ERBB3: variants seen among roughly 807,000 people sequenced by gnomAD.
ERBB3 encodes the protein receptor tyrosine-protein kinase erbB-3.
Under a neutral mutation model 156.7 loss-of-function variants are expected in ERBB3, and 96 were observed. The observed-to-expected ratio is 0.61, with a 90% CI of 0.52 to 0.73. The LOEUF is 0.73. Ranked by LOEUF, ERBB3 falls within the 30% of genes least tolerant of loss-of-function variation. The pLI, the probability that ERBB3 is intolerant of heterozygous loss-of-function variation, is 0.00. For missense variants in ERBB3, 1,406 were observed against 1,709.4 expected, an observed-to-expected ratio of 0.82 and a Z score of 3.13; for synonymous variants, 567 against 632.0, an observed-to-expected ratio of 0.90 and a Z score of 1.54.
chr12:56,091,108 T>C (rs1386942687), intron 9 of ERBB3, among the ~76,000 whole-genome samples: 1 of 149,892 alleles, frequency 6.7e-6, no homozygotes, highest in East Asian at 2.0e-4. Flanking sequence ...CAAGTTTTTG[T>C]AGTTTTTTTT....
In ERBB3 at chr12:56,101,211, C is replaced by G; in HGVS notation, c.3352C>G (p.Arg1118Gly). 6.2e-7 allele frequency: 1 copy of G among 1,613,764 alleles called. No homozygotes were observed. The highest frequency in any genetic ancestry group is 8.5e-7 in the Non-Finnish European group (1 of 1,179,850). Reference protein sequence around the residue: ...LQEKVSMCRSRSRSRSPRPRG... With the variant: ...LQEKVSMCRSGSRSRSPRPRG... ...GGAGAAAGTGTCAATGTGTAGGAGC[C>G]GGAGCAGGAGCCGGAGCCCACGGCC... The change falls in exon 27 of 28, where the codon CGG (arginine) becomes GGG (glycine). Residue 1118 changes from arginine (R) to glycine (G), a missense_variant. Physicochemically the swap from Arg to Gly is moderately radical, Grantham distance 125 (BLOSUM62 -2). Around this residue, in one of 3 missense-constraint regions of ERBB3, gnomAD observed 415 missense variants for 454.1 expected, o/e 0.91. Coordinates refer to ENST00000267101, the MANE Select transcript of ERBB3 (RefSeq NM_001982.4).
At chr12:56,100,994 C>T (rs1869073233) in intron 26 of ERBB3, 67 bp from the exon 27 acceptor site, 1 of 866,286 alleles carries the variant, frequency 1.2e-6, no homozygotes, top group Non-Finnish European at 1.7e-6. Context: ...TCCTTCTAAA[C>T]AAATCTCTCT....
At position 56,088,888 on chromosome 12, in the gene ERBB3, C is replaced by G. The variant is rs1365226726; in HGVS notation, c.1109+20C>G. On this transcript the variant is annotated intron_variant, in intron 9 of 27. Coordinates refer to ENST00000267101, the MANE Select transcript of ERBB3 (RefSeq NM_001982.4). ...CAATGGGTTAGAGATCCTGCCTTCC[C>G]TCCTTAGACCCCAGCCCACGCACCC... The G allele has an allele frequency of 1.9e-6, 3 of 1,613,720 alleles. No individual in the cohort carries two copies. The highest frequency in any genetic ancestry group is 2.5e-6 in the Non-Finnish European group (3 of 1,179,842).
At chr12:56,089,092 G>A in intron 9 of ERBB3, 1 of 644,812 alleles carries the variant, frequency 1.6e-6, no homozygotes, top group Middle Eastern at 2.5e-4. Context: ...CAAGGAACAA[G>A]GGACAGGAAC....
At chr12:56,094,777 C>A (rs1481621387) in intron 15 of ERBB3, among the ~76,000 whole-genome samples, 1 of 152,086 alleles carries the variant, frequency 6.6e-6, no homozygotes, top group African/African-American at 2.4e-5. Flanking sequence ...TATGGAGAAA[C>A]CCTGTCTCTA....
chr12:56,095,922 A>G (rs1393746064), intron 17 of ERBB3, 116 bp downstream of exon 17: 1 of 1,065,710 alleles, frequency 9.4e-7, no homozygotes, highest in Admixed American at 1.8e-5. Flanking sequence ...GATGGGATAA[A>G]TGTCACTCCC....
Position 56,085,037 on chromosome 12 carries a change from G to T in ERBB3, c.277G>T (p.Glu93Ter), listed in dbSNP as rs2136788040. 6.2e-7 allele frequency: 1 copy of T among 1,614,142 alleles called. No individual in the cohort carries two copies. Among genetic ancestry groups the T allele is most frequent in the Non-Finnish European group, 8.5e-7 (1 of 1,180,034 alleles). The change falls in exon 3 of 28, where the codon GAA becomes TAA. Residue 93 changes from glutamate to a stop codon, truncating the protein, a stop_gained. Transcript: ENST00000267101. LOFTEE classifies it high-confidence loss of function. ...AGGCTATGTCCTCGTGGCCATGAATGAATTCTCTACTCTACCATTGCCCAA... is the reference window on the plus strand; with the variant it reads ...AGGCTATGTCCTCGTGGCCATGAATTAATTCTCTACTCTACCATTGCCCAA... Reference protein sequence around the residue: ...VTGYVLVAMNEFSTLPLPNLR... With the variant: ...VTGYVLVAMN
upstream of ERBB3, chr12:56,080,144 A>ACACCGG: frequency 3.0e-6 from 2 of 675,848 alleles, no homozygotes; most frequent in South Asian, 3.2e-5. Flanking sequence ...CCCTCCCCGG[A>ACACCGG]CTCCGGCTCC....
At chr12:56,088,290 A>T in intron 7 of ERBB3, 128 bp downstream of exon 7, 1 of 1,073,458 alleles carries the variant, frequency 9.3e-7, no homozygotes, top group East Asian at 2.5e-5. Context: ...ATGATCATCT[A>T]ACCACTCCAG....
chr12:56,086,744 A>G, intron 4 of ERBB3, 88 bp downstream of exon 4: 1 of 1,534,416 alleles, frequency 6.5e-7, no homozygotes, highest in Non-Finnish European at 9.0e-7. Context: ...CCTGATCTGA[A>G]CCCGCCTCCC....
chr12:56,101,747 T>C lies in ERBB3; in HGVS notation c.3721T>C (p.Cys1241Arg). The C allele has an allele frequency of 6.2e-7, 1 of 1,613,752 alleles. No homozygotes were observed. The highest frequency in any genetic ancestry group is 8.5e-7 in the Non-Finnish European group (1 of 1,179,932). Residue 1241 changes from cysteine (C) to arginine (R), a missense_variant, in exon 28 of 28, where the codon TGC becomes CGC. Physicochemically the swap from Cys to Arg is radical, Grantham distance 180. Around this residue, in one of 3 missense-constraint regions of ERBB3, gnomAD observed 415 missense variants for 454.1 expected, o/e 0.91. Coordinates refer to ENST00000267101, the MANE Select transcript of ERBB3 (RefSeq NM_001982.4). Reference protein sequence around the residue: ...LSASLGSTQSCPLHPVPIMPT... With the variant: ...LSASLGSTQSRPLHPVPIMPT... ...TGCCTCTCTGGGCAGCACACAGAGT[T>C]GCCCACTCCACCCTGTACCCATCAT...
chr12:56,095,195 G>A, intron 15 of ERBB3, 62 bp from the exon 16 acceptor site: 1 of 1,228,332 alleles, frequency 8.1e-7, no homozygotes, highest in Non-Finnish European at 1.2e-6. Context: ...TATATGTTAG[G>A]CTGTTGAAAT....
rs370191878 is a variant in ERBB3 at position 56,081,544 on chromosome 12, G to T, written c.82+1162G>T. On this transcript the variant is annotated intron_variant, in intron 1 of 27. Transcript: ENST00000267101. ...TGTGAACACTCCCAGCTGGTGGAGG[G>T]GGGTGGTCTGGGGACTGGCGTGGGA... Among the ~76,000 whole-genome samples, 9 of 152,188 alleles carry T rather than the reference G, an allele frequency of 5.9e-5. No homozygotes were observed. The East Asian group carries it at 1.2e-3, about 19-fold the overall frequency.
At chr12:56,099,549 T>G in intron 23 of ERBB3, 99 bp from the exon 24 acceptor site, 1 of 985,084 alleles carries the variant, frequency 1.0e-6, no homozygotes, top group African/African-American at 1.6e-5. Flanking sequence ...TCCACCCGCC[T>G]TGGCCTCCCA....
intron 21 of ERBB3, 104 bp downstream of exon 21, chr12:56,098,044 T>G: frequency 8.7e-7 from 1 of 1,152,634 alleles, no homozygotes; most frequent in South Asian, 1.3e-5. Flanking sequence ...CATGGTAAGT[T>G]CAAGGAGAGA....
intron 3 of ERBB3, chr12:56,085,578 C>T (rs1340016494): frequency 4.6e-6 from 2 of 438,016 alleles, no homozygotes; most frequent in Non-Finnish European, 7.3e-6. Flanking sequence ...AACCCTGTCT[C>T]TACTAAAAAT....
At chr12:56,097,320 G>A in intron 20 of ERBB3, 90 bp downstream of exon 20, 1 of 1,306,306 alleles carries the variant, frequency 7.7e-7, no homozygotes, top group Non-Finnish European at 1.1e-6. Flanking sequence ...TCTGAGAGGT[G>A]AGGTCCCCAA....
At chr12:56,085,525 A>G (rs928004985) in intron 3 of ERBB3, 53 of 1,043,500 alleles carry the variant, frequency 5.1e-5, no homozygotes, top group Non-Finnish European at 6.6e-5. Flanking sequence ...AGGGCAGATC[A>G]CTTGAGATCA....
At chr12:56,083,536 C>A in intron 1 of ERBB3, 1 of 599,808 alleles carries the variant, frequency 1.7e-6, no homozygotes, top group Non-Finnish European at 3.0e-6. Flanking sequence ...TTCACCTTCC[C>A]ATTCATGGAA....
Sources: allele counts gnomAD v4.1 joint callset (sites outside exome capture counted in the v4.1 genomes callset), GRCh38; gene constraint gnomAD v4.1.1; regional missense constraint gnomAD v4.1.1; transcripts MANE v1.5; gene names NCBI Gene and HGNC (gene_info 2026-07-23, HGNC 2026-07-21).